The following P2RX2 variants were observed in gnomAD, a reference collection of about 807,000 sequenced individuals.
P2RX2 encodes the protein P2X purinoceptor 2.
A neutral mutation model predicts 54.8 loss-of-function variants in P2RX2; 50 were observed. That is an observed-to-expected ratio of 0.91 (90% CI 0.73 to 1.15). The LOEUF (loss-of-function observed/expected upper bound fraction) is 1.15, where lower values mean the gene tolerates loss of function less well. Among genes scored for constraint, P2RX2 ranks in the 50% most tolerant of loss-of-function variants. P2RX2 has a pLI of 0.00. For synonymous variants in P2RX2, 289 were observed against 259.4 expected (o/e 1.11, Z -1.09); for missense variants, 658 against 633.2 (o/e 1.04, Z -0.42).
At position 132,621,249 on chromosome 12, in the gene P2RX2, T is replaced by C. The variant is rs1202149046; in HGVS notation, c.906-6T>C. The C allele has an allele frequency of 1.2e-6, 2 of 1,613,932 alleles. No individual in the cohort carries two copies. Among genetic ancestry groups the C allele is most frequent in the Non-Finnish European group, 1.7e-6 (2 of 1,179,918 alleles). On this transcript the variant is annotated splice_region_variant and splice_polypyrimidine_tract_variant and intron_variant, in intron 8 of 10. Transcript: ENST00000643471. The stretch of plus-strand genomic sequence containing the variant: ...GGACGAGTGGGCACTGGCGTTCCCA[T>C]TGCAGGTTTGCCAAATACTACAAGA...
In P2RX2 at chr12:132,621,302, T is replaced by C; in HGVS notation, c.953T>C (p.Ile318Thr). ...AATGGCACCACCACCCGCACGCTCA[T>C]CAAGGCCTACGGGATCCGCATTGAC... The part of the protein sequence containing the change: ...KINGTTTRTL[I>T]KAYGIRIDVI... Residue 318 changes from isoleucine (I) to threonine (T), a missense_variant, in exon 9 of 11, where the codon ATC (isoleucine) becomes ACC (threonine). By Grantham distance (89) the Ile-to-Thr change is moderately conservative. Transcript: ENST00000643471. 6.2e-7 allele frequency: 1 copy of C among 1,613,962 alleles called. No homozygotes were observed. The highest frequency in any genetic ancestry group is 8.5e-7 in the Non-Finnish European group (1 of 1,179,948).
intron 8 of P2RX2, 21 bp from the exon 9 acceptor site, chr12:132,621,234 G>C (rs1176393388): frequency 6.2e-7 from 1 of 1,613,954 alleles, no homozygotes; most frequent in East Asian, 2.2e-5. Context: ...GGACGAGTGG[G>C]CACTGGCGTT....
At chr12:132,621,431 C>G (rs1359776462) in intron 9 of P2RX2, 44 bp from the exon 10 acceptor site, 1 of 1,584,652 alleles carries the variant, frequency 6.3e-7, no homozygotes, top group Non-Finnish European at 8.6e-7. Context: ...TAAGCCCCAT[C>G]AGACGCCGTC....
rs769756116 is a variant in P2RX2, at chr12:132,620,432, G to GCCTCCTA, written c.636-11_636-10insTCCTACC. The stretch of plus-strand genomic sequence containing the variant: ...ATTTGGGGTGCAGGTCTCGCCTCCT[G>GCCTCCTA]CCGCCTCCTCAGGGGCAACATCGCC... On this transcript the variant is annotated splice_polypyrimidine_tract_variant and intron_variant, in intron 6 of 10. Transcript: ENST00000643471. The GCCTCCTA allele has an allele frequency of 1.2e-6, 2 of 1,613,812 alleles. No homozygotes were observed. The highest frequency in any genetic ancestry group is 2.2e-5 in the South Asian group (2 of 91,076).
rs1277899873 is a variant in P2RX2, at chr12:132,621,887, C to T, written c.1331C>T (p.Pro444Leu). 1.2e-6 allele frequency: 2 copies of T among 1,608,486 alleles called. No homozygotes were observed. The highest frequency in any genetic ancestry group is 1.7e-4 in the Middle Eastern group (1 of 6,050). The change falls in exon 11 of 11, where the codon CCT becomes CTT. Residue 444 changes from proline to leucine, a missense_variant. By Grantham distance (98) the Pro-to-Leu change is moderately conservative (BLOSUM62 -3). Coordinates refer to ENST00000643471, the MANE Select transcript of P2RX2 (RefSeq NM_170682.4). ...PPLRPCPISA[P>L]SEQMVDTPAS... ...CTGCGGCCTTGCCCCATCTCTGCCC[C>T]TTCTGAGCAGATGGTGGACACTCCT...
At position 132,621,150 on chromosome 12, in the gene P2RX2, C is replaced by T. The variant is rs374221105; in HGVS notation, c.905+19C>T. On this transcript the variant is annotated intron_variant, in intron 8 of 10. Transcript: ENST00000643471. ...ACTTCAGGTGCTGTACTTGGGACAC[C>T]GCTGTCCACACTGGCATAGCTGTGG... The T allele has an allele frequency of 6.1e-5, 98 of 1,613,932 alleles. No individual in the cohort carries two copies. The African/African-American group carries it at 8.1e-4, about 13-fold the overall frequency.
Position 132,621,530 on chromosome 12 carries a change from C to A in P2RX2, c.1052C>A (p.Ser351Tyr). 6.4e-7 allele frequency: 1 copy of A among 1,570,794 alleles called. No individual in the cohort carries two copies. The stretch of plus-strand genomic sequence containing the variant: ...ATTAATCTGGCCACAGCTCTGACTT[C>A]CGTCGGGGTGGTAAGGAACCCTCTC... The part of the protein sequence containing the change: ...TIINLATALT[S>Y]VGVGSFLCDW... Residue 351 changes from serine (S) to tyrosine (Y), a missense_variant, in exon 10 of 11, where the codon TCC becomes TAC. By Grantham distance (144) the Ser-to-Tyr change is moderately radical (BLOSUM62 -2). Transcript: ENST00000643471.
chr12:132,619,500 A>G lies in P2RX2; in HGVS notation c.235A>G (p.Ile79Val). 1.4e-5 allele frequency: 22 copies of G among 1,612,712 alleles called. No homozygotes were observed. Among genetic ancestry groups the G allele is most frequent in the Non-Finnish European group, 1.9e-5 (22 of 1,179,452 alleles). The change falls in exon 2 of 11, where the codon ATC (isoleucine) becomes GTC (valine). Residue 79 changes from isoleucine to valine, a missense_variant. Physicochemically the swap from Ile to Val is conservative, Grantham distance 29. Coordinates refer to ENST00000643471, the MANE Select transcript of P2RX2 (RefSeq NM_170682.4). ...ESETGPESSI[I>V]TKVKGITTSE... ...CGAGACGGGCCCCGAGAGCTCCATC[A>G]TCACCAAGGTCAAGGGGATCACCAC...
At position 132,621,754 on chromosome 12, in the gene P2RX2, G is replaced by C. The variant is rs759939326; in HGVS notation, c.1198G>C (p.Gly400Arg). 23 of 1,605,550 alleles carry C rather than the reference G, an allele frequency of 1.4e-5. No individual in the cohort carries two copies. The highest frequency in any genetic ancestry group is 2.0e-5 in the Non-Finnish European group (23 of 1,175,106). ...SWPVTLARVL[G>R]QAPPEPGHRS... ...GCCTGTGACCCTTGCCCGTGTATTG[G>C]GCCAGGCCCCTCCCGAACCCGGCCA... is the stretch of plus-strand genomic sequence containing the variant. Residue 400 changes from glycine (G) to arginine (R), a missense_variant, in exon 11 of 11, where the codon GGC becomes CGC. Coordinates refer to ENST00000643471, the MANE Select transcript of P2RX2 (RefSeq NM_170682.4).
intron 7 of P2RX2, among the ~76,000 whole-genome samples, 200 bp downstream of exon 7, chr12:132,620,783 AC>A (rs2041633085): frequency 6.6e-6 from 1 of 152,058 alleles, no homozygotes; most frequent in South Asian, 2.1e-4. Context: ...GGCTGCTGGC[AC>A]CCCTTGTGCC....
chr12:132,620,078 A>C lies in P2RX2; in HGVS notation c.536A>C (p.Glu179Ala). ...GAGGTGTTCGGCTGGTGCCCGGTGG[A>C]AGATGGGGCCTCTGTCAGGTGCACC... ...TCEVFGWCPV[E>A]DGASVSQFLG... The change falls in exon 5 of 11, where the codon GAA becomes GCA. Residue 179 changes from glutamate (E) to alanine (A), a missense_variant. Glu to Ala is a moderately radical substitution (Grantham distance 107). Transcript: ENST00000643471. 4 of 1,583,906 alleles carry C rather than the reference A, an allele frequency of 2.5e-6. No individual in the cohort carries two copies. The highest frequency in any genetic ancestry group is 3.4e-6 in the Non-Finnish European group (4 of 1,166,250).
At chr12:132,620,648 T>A in intron 7 of P2RX2, 65 bp downstream of exon 7, 1 of 1,541,312 alleles carries the variant, frequency 6.5e-7, no homozygotes, top group Non-Finnish European at 8.8e-7. Context: ...GGGCCTGGGG[T>A]ACAGGGGACC....
rs774290534 is a variant in P2RX2, at chr12:132,621,798, C to T, written c.1242C>T (p.His414=). ...CCGGCCACCGCTCCGAGGACCAGCA[C>T]CCCAGCCCTCCATCAGGCCAGGAGG... The part of the protein sequence containing the change: ...PEPGHRSEDQ[H]PSPPSGQEGQ... The change falls in exon 11 of 11, where the codon CAC becomes CAT. Residue 414 remains histidine (H), a synonymous_variant. Transcript: ENST00000643471. 1 of 1,604,702 alleles carries T rather than the reference C, an allele frequency of 6.2e-7. No individual in the cohort carries two copies. Among genetic ancestry groups the T allele is most frequent in the South Asian group, 1.1e-5 (1 of 89,844 alleles).
At chr12:132,619,356 G>A (rs760327896) in intron 1 of P2RX2, 83 bp from the exon 2 acceptor site, 2 of 1,517,738 alleles carry the variant, frequency 1.3e-6, no homozygotes, top group African/African-American at 1.4e-5. Context: ...GACCCGGGTC[G>A]CGGGAGGGCC....
At position 132,622,106 on chromosome 12, in the gene P2RX2, T is replaced by C; in HGVS notation, c.*134T>C. ...GAAACGGGGCACCACAGGATCCCTG[T>C]GCAAGGGCTGGGGGCACGCTCTGGC... On this transcript the variant is annotated 3_prime_UTR_variant, in exon 11 of 11. Coordinates refer to ENST00000643471, the MANE Select transcript of P2RX2 (RefSeq NM_170682.4). 1 of 1,515,426 alleles carries C rather than the reference T, an allele frequency of 6.6e-7. No individual in the cohort carries two copies. The highest frequency in any genetic ancestry group is 1.3e-5 in the South Asian group (1 of 76,716). The allele number at this position is 1,515,426 out of a possible 1,614,324, so 93.9% of individuals were successfully genotyped here.
rs1218603920 is a variant in P2RX2, at chr12:132,620,269, A to T, written c.557A>T (p.Gln186Leu). Reference protein sequence around the residue: ...CPVEDGASVSQFLGTMAPNFT... With the variant: ...CPVEDGASVSLFLGTMAPNFT... Reference sequence around the variant, plus strand: ...ACAACCCTTCTGTGCCTCCTCAGCCAATTTCTGGGTACGATGGCCCCAAAT... The same window carrying T: ...ACAACCCTTCTGTGCCTCCTCAGCCTATTTCTGGGTACGATGGCCCCAAAT... The change falls in exon 6 of 11, where the codon CAA (glutamine) becomes CTA (leucine). Residue 186 changes from glutamine to leucine, a missense_variant and splice_region_variant. By Grantham distance (113) the Gln-to-Leu change is moderately radical. Coordinates refer to ENST00000643471, the MANE Select transcript of P2RX2 (RefSeq NM_170682.4). The T allele has an allele frequency of 6.2e-7, 1 of 1,613,812 alleles. No homozygotes were observed. The highest frequency in any genetic ancestry group is 8.5e-7 in the Non-Finnish European group (1 of 1,179,724).
rs1421964482 is a variant in P2RX2 at position 132,620,112 on chromosome 12, G to A, written c.554+16G>A. 4 of 1,553,226 alleles carry A rather than the reference G, an allele frequency of 2.6e-6. No individual in the cohort carries two copies. Among genetic ancestry groups the A allele is most frequent in the African/African-American group, 1.4e-5 (1 of 73,738 alleles). ...CCTCTGTCAGGTGCACCTGCGCCCC[G>A]GCCTGGGGCCCAGCCTCCCCTCTGA... On this transcript the variant is annotated intron_variant, in intron 5 of 10. Transcript: ENST00000643471.
rs199542223 is a variant in P2RX2, at chr12:132,622,004, G to C, written c.*32G>C. 2.5e-6 allele frequency: 4 copies of C among 1,611,950 alleles called. No individual in the cohort carries two copies. The highest frequency in any genetic ancestry group is 3.4e-6 in the Non-Finnish European group (4 of 1,179,366). ...TTCCATCTCACTGGACTGCAGACCC[G>C]GCCTGGTGGGGCCAGAGAGTCCCCA... On this transcript the variant is annotated 3_prime_UTR_variant, in exon 11 of 11. Coordinates refer to ENST00000643471, the MANE Select transcript of P2RX2 (RefSeq NM_170682.4).
In P2RX2 at chr12:132,621,365, G is replaced by T. The variant is rs1019516064; in HGVS notation, c.996+20G>T. On this transcript the variant is annotated intron_variant, in intron 9 of 10. Transcript: ENST00000643471. ...GGACAGGTGCCTGCACCTGCTGGGG[G>T]TGGGTGGCCAGCCCTGCTAGCCTGG... 4 of 1,613,606 alleles carry T rather than the reference G, an allele frequency of 2.5e-6. No homozygotes were observed. The highest frequency in any genetic ancestry group is 1.3e-5 in the African/African-American group (1 of 74,906).
Sources: gnomAD v4.1 joint callset for allele counts (sites outside exome capture counted in the v4.1 genomes callset) on GRCh38, gnomAD v4.1.1 for gene constraint, MANE v1.5 for transcripts, NCBI Gene and HGNC (gene_info 2026-07-23, HGNC 2026-07-21) for gene names.